Variants in HDAC3 observed in about 807,000 individuals in gnomAD.
HDAC3 encodes the protein SMAP45.
In HDAC3, 21 loss-of-function variants were observed where a neutral mutation model predicts 62.3. The ratio of observed to expected loss-of-function variants is 0.34; its 90% confidence interval spans 0.24 to 0.49. The LOEUF is 0.49. Among genes scored for constraint, HDAC3 ranks in the 20% least tolerant of loss-of-function variants. The pLI is 0.99. For synonymous variants in HDAC3, 198 were observed against 206.5 expected (o/e 0.96, Z 0.35); for missense variants, 270 against 556.9 (o/e 0.48, Z 5.19).
In HDAC3 at chr5:141,628,623, G is replaced by C. The variant is rs774820949; in HGVS notation, c.627C>G (p.Val209=). 3 of 1,613,952 alleles carry C rather than the reference G, an allele frequency of 1.9e-6. No homozygotes were observed. Among genetic ancestry groups the C allele is most frequent in the Non-Finnish European group, 2.5e-6 (3 of 1,179,918 alleles). ...FFPGTGDMYE[V]GAESGRYYCL... The stretch of plus-strand genomic sequence containing the variant: ...AGTAGTAGCGGCCACTCTCTGCCCC[G>C]ACTTCATACATGTCACCTGTAGGGA... The change falls in exon 8 of 15, where the codon GTC becomes GTG. Residue 209 remains valine, a synonymous_variant. Transcript: ENST00000305264. The surrounding 1 kb of genome is among the most constrained non-coding windows in gnomAD (Gnocchi z 4.7).
rs988294882 is a variant in HDAC3, at chr5:141,621,191, G to T, written c.*277C>A. ...AAGCAGGGAAGAAATAAGGGGCAAG[G>T]GGGGCTAGGGACTGGCCTCCAGGGC... On this transcript the variant is annotated 3_prime_UTR_variant, in exon 15 of 15. Coordinates refer to ENST00000305264, the MANE Select transcript of HDAC3 (RefSeq NM_003883.4). 5.1e-5 allele frequency: 20 copies of T among 391,338 alleles called. No individual in the cohort carries two copies. The highest frequency in any genetic ancestry group is 8.8e-5 in the Non-Finnish European group (19 of 216,042). 24.2% of individuals were successfully genotyped at this position (391,338 alleles called of 1,614,324 possible).
chr5:141,623,466 C>A (rs1437048667), intron 14 of HDAC3, among the ~76,000 whole-genome samples: 2 of 152,064 alleles, frequency 1.3e-5, no homozygotes, highest in African/African-American at 4.8e-5. Context: ...AATGCAGAGA[C>A]TAGGTCCAGA....
intron 14 of HDAC3, among the ~76,000 whole-genome samples, chr5:141,624,372 CA>C (rs58610895): frequency 0.1 from 2,223 of 21,394 alleles, 1 homozygote; most frequent in East Asian, 0.26. Flanking sequence ...CCGTCTCTAC[CA>C]AAAAAAAAAA....
intron 3 of HDAC3, among the ~76,000 whole-genome samples, chr5:141,630,386 G>C (rs1562369922): frequency 1.3e-5 from 2 of 152,252 alleles, no homozygotes; most frequent in Admixed American, 1.3e-4. Flanking sequence ...AAAGAAGCAA[G>C]CAGCTTCCAG....
intron 2 of HDAC3, chr5:141,636,012 C>G (rs1269717887): frequency 6.5e-6 from 1 of 154,880 alleles, no homozygotes; most frequent in Non-Finnish European, 1.4e-5. Flanking sequence ...TAAGCAGAAC[C>G]ATGTAGAGGT....
In HDAC3 at chr5:141,625,428, C is replaced by T. The variant is rs1022275790; in HGVS notation, c.1060-63G>A. 1 of 1,558,936 alleles carries T rather than the reference C, an allele frequency of 6.4e-7. No individual in the cohort carries two copies. The highest frequency in any genetic ancestry group is 8.8e-7 in the Non-Finnish European group (1 of 1,131,872). On this transcript the variant is annotated intron_variant, in intron 13 of 14. Transcript: ENST00000305264. The surrounding 1 kb of genome is among the most constrained non-coding windows in gnomAD (Gnocchi z 4.0). ...AGAGATTCCCAGGACATGGAATCTCCTAGCTGCCTTTTACCCCTACCATAC... is the reference window on the plus strand; with the variant it reads ...AGAGATTCCCAGGACATGGAATCTCTTAGCTGCCTTTTACCCCTACCATAC...
chr5:141,625,910 G>T lies in HDAC3; in HGVS notation c.979+103C>A. ...TGAGCCCAGGGGTTTAGTCTGCAGAGCTCTGAGAGTGTAAAATTTCCCATG... is the reference window on the plus strand; with the variant it reads ...TGAGCCCAGGGGTTTAGTCTGCAGATCTCTGAGAGTGTAAAATTTCCCATG... On this transcript the variant is annotated intron_variant, in intron 12 of 14. Transcript: ENST00000305264. The surrounding 1 kb of genome is among the most constrained non-coding windows in gnomAD (Gnocchi z 4.0). The T allele has an allele frequency of 7.7e-7, 1 of 1,302,142 alleles. No homozygotes were observed. Among genetic ancestry groups the T allele is most frequent in the Non-Finnish European group, 1.1e-6 (1 of 896,094 alleles). 80.7% of individuals were successfully genotyped at this position (1,302,142 alleles called of 1,614,324 possible).
chr5:141,621,243 T>C lies in HDAC3; in HGVS notation c.*225A>G. On this transcript the variant is annotated 3_prime_UTR_variant, in exon 15 of 15. Coordinates refer to ENST00000305264, the MANE Select transcript of HDAC3 (RefSeq NM_003883.4). ...CACTGCCAATAATGTCCCAGATAGC[T>C]ATCCTTGTCTGTATCTCATCCCTAA... 1.9e-6 allele frequency: 1 copy of C among 528,404 alleles called. No individual in the cohort carries two copies. The highest frequency in any genetic ancestry group is 2.1e-5 in the South Asian group (1 of 47,224). The allele number at this position is 528,404 out of a possible 1,614,324, so 32.7% of individuals were successfully genotyped here. A position where few individuals can be genotyped will look rare whatever the true frequency, so the allele number is the denominator to read the frequency against.
chr5:141,634,664 T>G (rs957791380), intron 3 of HDAC3, 147 bp downstream of exon 3: 13 of 880,550 alleles, frequency 1.5e-5, no homozygotes, highest in Non-Finnish European at 2.1e-5. Flanking sequence ...AAGTGACCAA[T>G]AAATATTTAT....
chr5:141,621,356 G>C lies in HDAC3; in HGVS notation c.*112C>G. On this transcript the variant is annotated 3_prime_UTR_variant, in exon 15 of 15. Coordinates refer to ENST00000305264, the MANE Select transcript of HDAC3 (RefSeq NM_003883.4). ...TGTGGTCTCCAGACTCTTTCCCAGA[G>C]TCAGCAAAAGCCCTGGGGTGACCCC... The C allele has an allele frequency of 2.2e-6, 2 of 923,474 alleles. No homozygotes were observed. Among genetic ancestry groups the C allele is most frequent in the East Asian group, 4.8e-5 (2 of 41,312 alleles). 57.2% of individuals were successfully genotyped at this position (923,474 alleles called of 1,614,324 possible).
rs1485904181 is a variant in HDAC3 at position 141,626,108 on chromosome 5, G to A, written c.921-37C>T. On this transcript the variant is annotated intron_variant, in intron 11 of 14. Transcript: ENST00000305264. This position sits in a 1 kb window ranked among gnomAD's most constrained non-coding sequence, Gnocchi z 4.6. ...CAGCAGAGGGGAGCAGGCTGACCAA[G>A]TGGGCTGAAGGACCCATGTGGCCAT... 5 of 1,609,374 alleles carry A rather than the reference G, an allele frequency of 3.1e-6. No homozygotes were observed. The South Asian group carries it at 5.5e-5, about 18-fold the overall frequency.
At chr5:141,621,802 C>T (rs1207030192) in intron 14 of HDAC3, among the ~76,000 whole-genome samples, 5 of 152,112 alleles carry the variant, frequency 3.3e-5, no homozygotes, top group Admixed American at 1.3e-4. Flanking sequence ...ATAAATGAGA[C>T]TAGTAACTAA....
intron 2 of HDAC3, among the ~76,000 whole-genome samples, chr5:141,635,536 G>A (rs1299293359): frequency 6.6e-6 from 1 of 152,226 alleles, no homozygotes; most frequent in Non-Finnish European, 1.5e-5. Context: ...ATTTGTCTGT[G>A]CCTTGGCACA....
Position 141,625,931 on chromosome 5 carries a change from C to A in HDAC3, c.979+82G>T. The A allele has an allele frequency of 7.1e-7, 1 of 1,399,832 alleles. No homozygotes were observed. Among genetic ancestry groups the A allele is most frequent in the Non-Finnish European group, 1.0e-6 (1 of 984,824 alleles). 86.7% of individuals were successfully genotyped at this position (1,399,832 alleles called of 1,614,324 possible). A position where few individuals can be genotyped will look rare whatever the true frequency, so the allele number is the denominator to read the frequency against. On this transcript the variant is annotated intron_variant, in intron 12 of 14. Coordinates refer to ENST00000305264, the MANE Select transcript of HDAC3 (RefSeq NM_003883.4). This position sits in a 1 kb window ranked among gnomAD's most constrained non-coding sequence, Gnocchi z 4.0. ...CAGAGCTCTGAGAGTGTAAAATTTC[C>A]CATGTGCCTTCAAACCAGGTCATTC...
In HDAC3 at chr5:141,628,079, G is replaced by A; in HGVS notation, c.765+35C>T. On this transcript the variant is annotated intron_variant, in intron 9 of 14. Transcript: ENST00000305264. The surrounding 1 kb of genome is among the most constrained non-coding windows in gnomAD (Gnocchi z 4.7). ...CCTTGCTCTCTTTCCCCAAGCCCAG[G>A]CAGAACACTCCTGAGGAGGAACTGA... 1 of 1,608,332 alleles carries A rather than the reference G, an allele frequency of 6.2e-7. No homozygotes were observed. The highest frequency in any genetic ancestry group is 8.5e-7 in the Non-Finnish European group (1 of 1,174,748).
At chr5:141,624,042 CTT>C (rs200967458) in intron 14 of HDAC3, among the ~76,000 whole-genome samples, 1 of 128,974 alleles carries the variant, frequency 7.8e-6, no homozygotes, top group African/African-American at 3.5e-5. Context: ...AAGATAAAGA[CTT>C]TTAAAAAAAA....
chr5:141,636,237 C>A (rs910762944), intron 2 of HDAC3: 8 of 405,672 alleles, frequency 2.0e-5, no homozygotes, highest in Non-Finnish European at 2.8e-5. Context: ...AAGGCCCTAT[C>A]CACACTCTAA....
At chr5:141,634,767 T>C (rs1748685323) in intron 3 of HDAC3, 44 bp downstream of exon 3, 1 of 1,599,706 alleles carries the variant, frequency 6.3e-7, no homozygotes, top group Admixed American at 1.7e-5. Flanking sequence ...CTGAAGGGCT[T>C]GGCATTAAAC....
rs1178032803 is a variant in HDAC3, at chr5:141,625,603, T to C, written c.1059+82A>G. On this transcript the variant is annotated intron_variant, in intron 13 of 14. Coordinates refer to ENST00000305264, the MANE Select transcript of HDAC3 (RefSeq NM_003883.4). The surrounding 1 kb of genome is among the most constrained non-coding windows in gnomAD (Gnocchi z 4.0). The stretch of plus-strand genomic sequence containing the variant: ...GCTTAGAACTTCCTTCTCTTTGGTT[T>C]TTCCTACTTCCCACATCTTTGACCT... 6.4e-6 allele frequency: 9 copies of C among 1,409,974 alleles called. No homozygotes were observed. Among genetic ancestry groups the C allele is most frequent in the Non-Finnish European group, 8.0e-6 (8 of 996,182 alleles). 87.3% of individuals were successfully genotyped at this position (1,409,974 alleles called of 1,614,324 possible).
Sources: gnomAD v4.1 joint callset for allele counts (sites outside exome capture counted in the v4.1 genomes callset) on GRCh38, gnomAD v4.1.1 for gene constraint, Gnocchi (gnomAD v3.1) non-coding constraint, MANE v1.5 for transcripts, NCBI Gene and HGNC (gene_info 2026-07-23, HGNC 2026-07-21) for gene names.